The following MINAR1 variants were observed in gnomAD, a reference collection of about 807,000 sequenced individuals.
MINAR1 encodes major intrinsically disordered Notch2-binding receptor 1.
In MINAR1, 40 loss-of-function variants were observed where a neutral mutation model predicts 65.1. That is an observed-to-expected ratio of 0.61 (90% CI 0.48 to 0.80). The LOEUF (loss-of-function observed/expected upper bound fraction) is 0.80. Among genes scored for constraint, MINAR1 ranks in the 30% least tolerant of loss-of-function variants. The pLI is 0.00. For synonymous variants in MINAR1, 482 were observed against 449.1 expected (o/e 1.07, Z -0.93); for missense variants, 1,128 against 1,148.0 (o/e 0.98, Z 0.25).
intron 2 of MINAR1, among the ~76,000 whole-genome samples, chr15:79,460,411 G>C (rs1026036529): frequency 6.6e-6 from 1 of 152,150 alleles, no homozygotes; most frequent in Non-Finnish European, 1.5e-5. Flanking sequence ...GAGGGGTGAG[G>C]ATGGAGTCAG....
At chr15:79,448,616 A>G (rs971201752) in intron 1 of MINAR1, among the ~76,000 whole-genome samples, 1 of 152,224 alleles carries the variant, frequency 6.6e-6, no homozygotes, top group Non-Finnish European at 1.5e-5. Flanking sequence ...TGAAATGAGA[A>G]CATTGTGGCT....
At chr15:79,453,471 C>T (rs1291515013) in intron 1 of MINAR1, among the ~76,000 whole-genome samples, 1 of 152,156 alleles carries the variant, frequency 6.6e-6, no homozygotes, top group Non-Finnish European at 1.5e-5. Context: ...CTGCCCTACA[C>T]AGTTGTTTGT....
intron 3 of MINAR1, among the ~76,000 whole-genome samples, chr15:79,467,721 A>G (rs1200030957): frequency 6.6e-6 from 1 of 152,194 alleles, no homozygotes; most frequent in African/African-American, 2.4e-5. Flanking sequence ...TTGATTTTTC[A>G]GTAGAAGCTT....
intron 1 of MINAR1, among the ~76,000 whole-genome samples, chr15:79,450,306 A>G (rs1233364005): frequency 6.6e-6 from 1 of 152,140 alleles, no homozygotes; most frequent in Non-Finnish European, 1.5e-5. Context: ...GCCCAGTCTC[A>G]TGCACCTTCT....
chr15:79,465,954 G>A (rs1895834547), intron 3 of MINAR1, among the ~76,000 whole-genome samples: 1 of 152,128 alleles, frequency 6.6e-6, no homozygotes, highest in African/African-American at 2.4e-5. Context: ...GCTCAAGCAG[G>A]AGGAAGAGGC....
At chr15:79,444,952 C>T (rs933070136) in intron 1 of MINAR1, among the ~76,000 whole-genome samples, 22 of 152,058 alleles carry the variant, frequency 1.4e-4, no homozygotes, top group African/African-American at 5.1e-4. Flanking sequence ...TTTCTTTGAT[C>T]ACTCAGTTTC....
At chr15:79,417,747 A>G in the MINAR1 span, 1 of 152,224 alleles carries the variant, frequency 6.6e-6, no homozygotes, top group Non-Finnish European at 1.5e-5. Context: ...CAGCAGGGCC[A>G]AAGGGAAAGC....
In MINAR1 at chr15:79,469,757, A is replaced by C. The variant is rs1896007377; in HGVS notation, c.*1373A>C. On this transcript the variant is annotated 3_prime_UTR_variant, in exon 4 of 4. Transcript: ENST00000305428. ...GCATCTGATTCCAATGTCTTGTTAC[A>C]GGTCAAAGAAAAAAGGATTGACAGA... 6.6e-6 allele frequency: 1 copy of C among 152,648 alleles called. No homozygotes were observed. The highest frequency in any genetic ancestry group is 1.5e-5 in the Non-Finnish European group (1 of 68,034). The allele number at this position is 152,648 out of a possible 1,614,324, so 9.5% of individuals were successfully genotyped here.
chr15:79,449,544 T>C (rs925251964), intron 1 of MINAR1, among the ~76,000 whole-genome samples: 1 of 149,692 alleles, frequency 6.7e-6, no homozygotes, highest in African/African-American at 2.5e-5. Context: ...AGCAGAATGC[T>C]GCACAAAGCC....
intron 1 of MINAR1, among the ~76,000 whole-genome samples, chr15:79,445,988 A>C (rs1265757070): frequency 1.3e-5 from 2 of 152,138 alleles, no homozygotes; most frequent in African/African-American, 4.8e-5. Flanking sequence ...TGTATTTTGA[A>C]ATATTTCTGT....
At chr15:79,419,168 G>C in the MINAR1 span, 1 of 152,260 alleles carries the variant, frequency 6.6e-6, no homozygotes, top group African/African-American at 2.4e-5. Context: ...TGGTGAGAGG[G>C]CAAGACCTCG....
rs1329300269 is a variant in MINAR1, at chr15:79,468,223, T to C, written c.2590T>C (p.Trp864Arg). Residue 864 changes from tryptophan (W) to arginine (R), a missense_variant, in exon 4 of 4, where the codon TGG becomes CGG. Trp to Arg is a moderately radical substitution (Grantham distance 101, BLOSUM62 -3). Transcript: ENST00000305428. ...ESLNPNNLEY[W>R]MEDIYTPGYD... ...TTTAAACCCAAATAATTTAGAGTAC[T>C]GGATGGAAGACATTTATACTCCAGG... is the stretch of plus-strand genomic sequence containing the variant. 4 of 1,613,996 alleles carry C rather than the reference T, an allele frequency of 2.5e-6. No individual in the cohort carries two copies. The highest frequency in any genetic ancestry group is 2.7e-5 in the African/African-American group (2 of 74,932).
At chr15:79,428,529 TCTTC>T (rs1187835699), upstream of MINAR1, among the ~76,000 whole-genome samples, 3 of 149,494 alleles carry the variant, frequency 2.0e-5, no homozygotes, top group Admixed American at 6.7e-5. Context: ...CCCTCCCTTT[TCTTC>T]CTTCCTTTTG....
intron 1 of MINAR1, among the ~76,000 whole-genome samples, chr15:79,450,505 T>C (rs1895156014): frequency 6.6e-6 from 1 of 151,204 alleles, no homozygotes; most frequent in Non-Finnish European, 1.5e-5. Flanking sequence ...GAACTTTTCA[T>C]GGAATCAGTT....
the MINAR1 span, chr15:79,424,440 C>T: frequency 6.6e-6 from 1 of 152,236 alleles, no homozygotes. Flanking sequence ...AGAGAACTCC[C>T]ACTCTCTGAA....
At chr15:79,447,079 G>C (rs1895044680) in intron 1 of MINAR1, among the ~76,000 whole-genome samples, 1 of 152,062 alleles carries the variant, frequency 6.6e-6, no homozygotes, top group African/African-American at 2.4e-5. Flanking sequence ...GTAGAGACAG[G>C]GTTTCACCAT....
At chr15:79,411,501 C>G in the MINAR1 span, 1 of 702,146 alleles carries the variant, frequency 1.4e-6, no homozygotes, top group African/African-American at 1.7e-5. Context: ...TGGCACCCTC[C>G]TAACAGATTT....
chr15:79,448,121 A>G (rs1895073018), intron 1 of MINAR1, among the ~76,000 whole-genome samples: 1 of 152,256 alleles, frequency 6.6e-6, no homozygotes, highest in South Asian at 2.1e-4. Flanking sequence ...CCGTTAAGAA[A>G]AAAATTTGCA....
Position 79,471,981 on chromosome 15 carries a change from GA to G in MINAR1, c.*3600del, listed in dbSNP as rs1213673152. ...TTCAATATTTATTAAGTAACAATGA[GA>G]AATGCAACAAACTTCCTTATTTATG... On this transcript the variant is annotated 3_prime_UTR_variant, in exon 4 of 4. Coordinates refer to ENST00000305428, the MANE Select transcript of MINAR1 (RefSeq NM_015206.3). The G allele has an allele frequency of 6.6e-6, 1 of 152,540 alleles. No individual in the cohort carries two copies. Among genetic ancestry groups the G allele is most frequent in the East Asian group, 1.9e-4 (1 of 5,178 alleles). 9.4% of individuals were successfully genotyped at this position (152,540 alleles called of 1,614,324 possible).
Sources: allele counts gnomAD v4.1 joint callset (sites outside exome capture counted in the v4.1 genomes callset), GRCh38; gene constraint gnomAD v4.1.1; transcripts MANE v1.5; gene names NCBI Gene and HGNC (gene_info 2026-07-23, HGNC 2026-07-21).